RASA2: variants seen among roughly 807,000 people sequenced by gnomAD.
The protein encoded by RASA2 is ras GTPase-activating protein 2.
RASA2 carries 155 observed loss-of-function variants against 118.2 expected under a neutral mutation model. That is an observed-to-expected ratio of 1.31 (90% confidence interval 1.15 to 1.50). The LOEUF (loss-of-function observed/expected upper bound fraction) is 1.50. Ranked by LOEUF, RASA2 falls within the 40% of genes most tolerant of loss-of-function variation. The pLI is 0.00. For synonymous variants in RASA2, 353 were observed against 349.1 expected, an observed-to-expected ratio of 1.01 and a Z score of -0.12; for missense variants, 1,016 against 1,009.6, an observed-to-expected ratio of 1.01 and a Z score of -0.09.
chr3:141,577,188 C>A, intron 15 of RASA2, 82 bp downstream of exon 15: 1 of 1,055,524 alleles, frequency 9.5e-7, no homozygotes, highest in Non-Finnish European at 1.3e-6. Flanking sequence ...AAACCAATTT[C>A]ACTAGGCTGT....
intron 4 of RASA2, 105 bp from the exon 5 acceptor site, chr3:141,540,428 C>T: frequency 1.2e-6 from 1 of 814,038 alleles, no homozygotes; most frequent in Non-Finnish European, 2.0e-6. Flanking sequence ...AAGCCATGTG[C>T]TAGTGGTCAG....
intron 4 of RASA2, among the ~76,000 whole-genome samples, chr3:141,536,565 T>C (rs2082329079): frequency 6.6e-6 from 1 of 152,190 alleles, no homozygotes. Flanking sequence ...TATAGAGCAA[T>C]ACCTTCCAAG....
intron 20 of RASA2, 42 bp downstream of exon 20, chr3:141,607,802 T>C (rs376890223): frequency 3.8e-5 from 57 of 1,508,720 alleles, no homozygotes; most frequent in Non-Finnish European, 4.8e-5. Context: ...CTGAACTGCA[T>C]ATATTACTTA....
In RASA2 at chr3:141,614,551, C is replaced by T. The variant is rs2083699342; in HGVS notation, c.*2238C>T. On this transcript the variant is annotated 3_prime_UTR_variant, in exon 24 of 24. Transcript: ENST00000286364. The stretch of plus-strand genomic sequence containing the variant: ...CCACATTTGAAAATATACAAGGCAG[C>T]TCACTTCATCCTAAAAACCTAAAAA... 6.6e-6 allele frequency: 1 copy of T among 152,082 alleles called. No individual in the cohort carries two copies. The highest frequency in any genetic ancestry group is 2.4e-5 in the African/African-American group (1 of 41,412). The allele number at this position is 152,082 out of a possible 1,614,324, so 9.4% of individuals were successfully genotyped here.
intron 5 of RASA2, among the ~76,000 whole-genome samples, chr3:141,549,782 G>A (rs990836274): frequency 6.6e-6 from 1 of 152,012 alleles, no homozygotes; most frequent in African/African-American, 2.4e-5. Context: ...TCAGGACTTG[G>A]GCAGGGAAAA....
intron 15 of RASA2, among the ~76,000 whole-genome samples, chr3:141,580,081 AAAAAATATATAT>A (rs1393500800): frequency 5.2e-5 from 5 of 95,608 alleles, no homozygotes; most frequent in Non-Finnish European, 1.0e-4. Flanking sequence ...AAAAAAAAAA[AAAAAATATATAT>A]ATATATATAT....
Position 141,573,927 on chromosome 3 carries a change from CT to C in RASA2, c.1360-12del. 6.4e-7 allele frequency: 1 copy of C among 1,556,130 alleles called. No individual in the cohort carries two copies. The highest frequency in any genetic ancestry group is 1.4e-5 in the African/African-American group (1 of 72,572). ...TGAACATCAAAATCTTAATGTTTAC[CT>C]TTTTAAATCCTGCAGGAGAATCTGC... On this transcript the variant is annotated splice_polypyrimidine_tract_variant and intron_variant, in intron 13 of 23. Transcript: ENST00000286364.
At chr3:141,505,207 T>C (rs2081846562) in intron 1 of RASA2, among the ~76,000 whole-genome samples, 1 of 152,256 alleles carries the variant, frequency 6.6e-6, no homozygotes, top group South Asian at 2.1e-4. Flanking sequence ...TTGTCGTCCC[T>C]GTATATATTG....
intron 3 of RASA2, among the ~76,000 whole-genome samples, chr3:141,523,536 G>T (rs958259639): frequency 1.3e-5 from 2 of 152,162 alleles, no homozygotes; most frequent in African/African-American, 4.8e-5. Flanking sequence ...AGTACAAAAT[G>T]AGAGAAAAAG....
rs1560029184 is a variant in RASA2 at position 141,555,846 on chromosome 3, C to T, written c.618C>T (p.Asp206=). The change falls in exon 7 of 24, where the codon GAC becomes GAT. Residue 206 remains aspartate, a synonymous_variant. Coordinates refer to ENST00000286364, the MANE Select transcript of RASA2 (RefSeq NM_006506.5). ...TVSLVGPSRN[D]QKKTKVKKKT... is the part of the protein sequence containing the mutation. Reference sequence around the variant, plus strand: ...CTCTACCACATTGGAACAGGAATGACCAAAAGAAGACAAAAGTAAAGAAGA... The same window carrying T: ...CTCTACCACATTGGAACAGGAATGATCAAAAGAAGACAAAAGTAAAGAAGA... 2.5e-6 allele frequency: 4 copies of T among 1,611,156 alleles called. No homozygotes were observed. Among genetic ancestry groups the T allele is most frequent in the Non-Finnish European group, 3.4e-6 (4 of 1,178,414 alleles).
chr3:141,580,085 A>AGATAT (rs1353911779), intron 15 of RASA2, among the ~76,000 whole-genome samples: 1 of 59,618 alleles, frequency 1.7e-5, no homozygotes, highest in Non-Finnish European at 2.9e-5. Flanking sequence ...AAAAAAAAAA[A>AGATAT]ATATATATAT....
intron 4 of RASA2, among the ~76,000 whole-genome samples, chr3:141,534,965 G>A (rs973567007): frequency 6.6e-6 from 1 of 152,090 alleles, no homozygotes; most frequent in Admixed American, 6.6e-5. Flanking sequence ...ACATCCATCA[G>A]AAACTCCGAA....
intron 1 of RASA2, among the ~76,000 whole-genome samples, chr3:141,508,161 G>A (rs1246913755): frequency 6.6e-6 from 1 of 151,886 alleles, no homozygotes; most frequent in African/African-American, 2.4e-5. Flanking sequence ...TCACCTCTAT[G>A]ATGAATTAAG....
intron 4 of RASA2, among the ~76,000 whole-genome samples, chr3:141,536,457 G>A (rs181984040): frequency 6.6e-5 from 10 of 152,254 alleles, no homozygotes; most frequent in African/African-American, 2.2e-4. Context: ...ATATCAGTAC[G>A]AGAGTAGTGT....
intron 19 of RASA2, among the ~76,000 whole-genome samples, chr3:141,605,372 A>G (rs1577828867): frequency 6.6e-6 from 1 of 152,072 alleles, no homozygotes; most frequent in African/African-American, 2.4e-5. Context: ...CCTCAGTAAA[A>G]TCTTTCATTT....
intron 9 of RASA2, among the ~76,000 whole-genome samples, chr3:141,562,793 C>G (rs1299542934): frequency 6.6e-6 from 1 of 151,956 alleles, no homozygotes; most frequent in Non-Finnish European, 1.5e-5. Flanking sequence ...CTGCCTCAGC[C>G]TCCTGAGTAG....
intron 5 of RASA2, among the ~76,000 whole-genome samples, chr3:141,552,772 A>G (rs2082593425): frequency 6.6e-6 from 1 of 152,206 alleles, no homozygotes; most frequent in African/African-American, 2.4e-5. Flanking sequence ...ACTCTGCAGT[A>G]TACCAATAGC....
chr3:141,578,757 G>A (rs1304656796), intron 15 of RASA2: 1 of 152,200 alleles, frequency 6.6e-6, no homozygotes, highest in East Asian at 1.9e-4. Flanking sequence ...CTGAACTTGT[G>A]AGTCTGCCTT....
At chr3:141,523,774 A>G (rs906262963) in intron 3 of RASA2, among the ~76,000 whole-genome samples, 1 of 152,182 alleles carries the variant, frequency 6.6e-6, no homozygotes, top group Non-Finnish European at 1.5e-5. Context: ...TCAGAACCAT[A>G]TAGAAATGAA....
Sources: allele counts gnomAD v4.1 joint callset (sites outside exome capture counted in the v4.1 genomes callset), GRCh38; gene constraint gnomAD v4.1.1; transcripts MANE v1.5; gene names NCBI Gene and HGNC (gene_info 2026-07-23, HGNC 2026-07-21).